DAAM2: variants seen among roughly 807,000 people sequenced by gnomAD.
DAAM2 encodes the protein dishevelled associated activator of morphogenesis 2, also known as disheveled-associated activator of morphogenesis 2.
In DAAM2, 39 loss-of-function variants were observed where a neutral mutation model predicts 120.7. The observed-to-expected ratio is 0.32, with a 90% CI of 0.25 to 0.42. DAAM2 has a LOEUF of 0.42. Among genes scored for constraint, DAAM2 ranks in the 10% least tolerant of loss-of-function variants. The pLI, the probability that DAAM2 is intolerant of heterozygous loss-of-function variation, is 1.00. For missense variants in DAAM2, 1,283 were observed against 1,401.7 expected (o/e 0.92, Z 1.35); for synonymous variants, 488 against 524.9 (o/e 0.93, Z 0.96).
chr6:39,891,183 C>T, intron 17 of DAAM2, 158 bp from the exon 18 acceptor site: 1 of 581,580 alleles, frequency 1.7e-6, no homozygotes, highest in Non-Finnish European at 3.1e-6. Context: ...CCCTGTCATC[C>T]CCTTCAGGCA....
chr6:39,846,022 G>C (rs1300220894), intron 1 of DAAM2, among the ~76,000 whole-genome samples: 1 of 152,120 alleles, frequency 6.6e-6, no homozygotes, highest in African/African-American at 2.4e-5. Context: ...GGATCACGTG[G>C]GGCTGGTTTG....
chr6:39,868,929 G>C lies in DAAM2; in HGVS notation c.869G>C (p.Gly290Ala). ...FINAVLNAGA[G>A]EDNLEFRLHL... Reference sequence around the variant, plus strand: ...AATGCTGTCCTCAATGCTGGAGCTGGAGAGGTGGGGTGCCTTCTCCTTGCC... The same window carrying C: ...AATGCTGTCCTCAATGCTGGAGCTGCAGAGGTGGGGTGCCTTCTCCTTGCC... Residue 290 changes from glycine (G) to alanine (A), a missense_variant, in exon 7 of 25, where the codon GGA becomes GCA. Gly to Ala is a moderately conservative substitution (Grantham distance 60). This residue lies in a region of DAAM2 where 338 missense variants were observed against 443.9 expected (regional missense o/e 0.76). Transcript: ENST00000274867. 1 of 1,570,824 alleles carries C rather than the reference G, an allele frequency of 6.4e-7. No individual in the cohort carries two copies. The highest frequency in any genetic ancestry group is 8.6e-7 in the Non-Finnish European group (1 of 1,157,470).
intron 1 of DAAM2, among the ~76,000 whole-genome samples, chr6:39,841,075 A>G: frequency 1.9e-5 from 1 of 53,900 alleles, no homozygotes. Context: ...GGCGCTGGGA[A>G]GAGGGGCTCC....
At position 39,879,301 on chromosome 6, in the gene DAAM2, C is replaced by A; in HGVS notation, c.1669C>A (p.Pro557Thr). The A allele has an allele frequency of 6.6e-7, 1 of 1,506,936 alleles. No homozygotes were observed. The highest frequency in any genetic ancestry group is 9.1e-7 in the Non-Finnish European group (1 of 1,099,248). 93.3% of individuals were successfully genotyped at this position (1,506,936 alleles called of 1,614,324 possible). ...CTTTGCCTGTTGTCCCCCTCCCCCA[C>A]CACCACCCCTTCCTCCCGGGGGACC... ...LPFACCPPPPPPPLPPGGPPT... is the reference protein window; with the variant it reads ...LPFACCPPPPTPPLPPGGPPT... The change falls in exon 14 of 25, where the codon CCA becomes ACA. Residue 557 changes from proline (P) to threonine (T), a missense_variant. Around this residue, in one of 3 missense-constraint regions of DAAM2, gnomAD observed 748 missense variants for 768.6 expected, o/e 0.97. Coordinates refer to ENST00000274867, the MANE Select transcript of DAAM2 (RefSeq NM_001201427.2).
At chr6:39,880,439 C>A (rs993314014) in intron 14 of DAAM2, among the ~76,000 whole-genome samples, 1 of 152,268 alleles carries the variant, frequency 6.6e-6, no homozygotes, top group Non-Finnish European at 1.5e-5. Flanking sequence ...GCTAGCCTGT[C>A]AATCTGAAGT....
chr6:39,829,254 A>C (rs943748349), intron 1 of DAAM2, among the ~76,000 whole-genome samples: 5 of 152,236 alleles, frequency 3.3e-5, no homozygotes, highest in Admixed American at 2.6e-4. Flanking sequence ...GGGCCTGCAC[A>C]TGCGCCTATG....
chr6:39,828,710 G>C (rs551189364), intron 1 of DAAM2, among the ~76,000 whole-genome samples: 3 of 151,896 alleles, frequency 2.0e-5, no homozygotes. Context: ...CTACAGGTGC[G>C]TGCCACCATG....
intron 1 of DAAM2, among the ~76,000 whole-genome samples, chr6:39,815,050 G>A (rs1381448487): frequency 6.6e-6 from 1 of 152,224 alleles, no homozygotes; most frequent in Non-Finnish European, 1.5e-5. Context: ...CCTTAGACCA[G>A]CAGTATCAGA....
At chr6:39,849,478 A>G (rs1763726299) in intron 1 of DAAM2, among the ~76,000 whole-genome samples, 1 of 152,232 alleles carries the variant, frequency 6.6e-6, no homozygotes, top group Non-Finnish European at 1.5e-5. Flanking sequence ...TACAAATATT[A>G]ACTACTTTAA....
intron 14 of DAAM2, chr6:39,882,229 A>T (rs1009920482): frequency 6.6e-6 from 1 of 152,264 alleles, no homozygotes; most frequent in East Asian, 1.9e-4. Context: ...AGGGAATATT[A>T]GGAACAGACT....
At chr6:39,800,427 C>T (rs1263694066) in intron 1 of DAAM2, among the ~76,000 whole-genome samples, 1 of 152,176 alleles carries the variant, frequency 6.6e-6, no homozygotes, top group African/African-American at 2.4e-5. Context: ...GGAAACATAG[C>T]AGGATGATCA....
chr6:39,841,334 G>A (rs1360804004), intron 1 of DAAM2, among the ~76,000 whole-genome samples: 1 of 128,714 alleles, frequency 7.8e-6, no homozygotes, highest in Non-Finnish European at 1.6e-5. Context: ...TAGGGCGAGG[G>A]TTCCAGGGGG....
chr6:39,836,277 A>G (rs1161553649), intron 1 of DAAM2, among the ~76,000 whole-genome samples: 3 of 152,042 alleles, frequency 2.0e-5, no homozygotes, highest in African/African-American at 7.2e-5. Flanking sequence ...ATCTCTTGGT[A>G]TGCTTGCCTG....
At position 39,901,440 on chromosome 6, in the gene DAAM2, G is replaced by A; in HGVS notation, c.2950G>A (p.Glu984Lys). 3.7e-6 allele frequency: 6 copies of A among 1,612,492 alleles called. No homozygotes were observed. Among genetic ancestry groups the A allele is most frequent in the African/African-American group, 1.3e-5 (1 of 75,040 alleles). The change falls in exon 24 of 25, where the codon GAG becomes AAG. Residue 984 changes from glutamate (E) to lysine (K), a missense_variant. By Grantham distance (56) the Glu-to-Lys change is moderately conservative (BLOSUM62 1). This residue lies in a region of DAAM2 where 748 missense variants were observed against 768.6 expected (regional missense o/e 0.97). Coordinates refer to ENST00000274867, the MANE Select transcript of DAAM2 (RefSeq NM_001201427.2). This position sits in a 1 kb window ranked among gnomAD's most constrained non-coding sequence, Gnocchi z 4.5. The stretch of plus-strand genomic sequence containing the variant: ...AGAGGCCATGAGGAGGAGGAAGGAG[G>A]AGGAGGAGCGGCGGGCGCGCATGGA... ...DLEAMRRRKE[E>K]EERRARMEAM...
intron 1 of DAAM2, among the ~76,000 whole-genome samples, chr6:39,797,464 C>A (rs984435383): frequency 2.0e-5 from 3 of 152,180 alleles, no homozygotes; most frequent in African/African-American, 7.2e-5. Flanking sequence ...ATATTTCACA[C>A]CTTAAGTAAG....
chr6:39,875,010 G>T (rs1764812838), intron 10 of DAAM2, among the ~76,000 whole-genome samples: 1 of 152,158 alleles, frequency 6.6e-6, no homozygotes, highest in South Asian at 2.1e-4. Flanking sequence ...AATGTAAAAA[G>T]CAATCTGCAC....
In DAAM2 at chr6:39,887,612, G is replaced by A. The variant is rs1248070243; in HGVS notation, c.2060+20G>A. On this transcript the variant is annotated intron_variant, in intron 16 of 24. Transcript: ENST00000274867. Reference sequence around the variant, plus strand: ...TTCCAAGTATGTGCAAAAGAAGGTGGTTGAGTTGGATGCCTGGGGGACAAA... The same window carrying A: ...TTCCAAGTATGTGCAAAAGAAGGTGATTGAGTTGGATGCCTGGGGGACAAA... The A allele has an allele frequency of 1.3e-6, 2 of 1,570,218 alleles. No individual in the cohort carries two copies. The highest frequency in any genetic ancestry group is 1.8e-6 in the Non-Finnish European group (2 of 1,142,368).
At chr6:39,844,423 G>A (rs1449660616) in intron 1 of DAAM2, among the ~76,000 whole-genome samples, 2 of 151,858 alleles carry the variant, frequency 1.3e-5, no homozygotes, top group Non-Finnish European at 2.9e-5. Context: ...AAGCTGGGTT[G>A]GAATGTGATA....
At chr6:39,883,187 T>C (rs1377468297) in intron 14 of DAAM2, among the ~76,000 whole-genome samples, 1 of 16,936 alleles carries the variant, frequency 5.9e-5, no homozygotes, top group Non-Finnish European at 9.1e-5. Context: ...GCCAGGGCTT[T>C]TTTTTTTTTT....
Sources: allele counts gnomAD v4.1 joint callset (sites outside exome capture counted in the v4.1 genomes callset), GRCh38; gene constraint gnomAD v4.1.1; regional missense constraint gnomAD v4.1.1; non-coding constraint Gnocchi (gnomAD v3.1); transcripts MANE v1.5; gene names NCBI Gene and HGNC (gene_info 2026-07-23, HGNC 2026-07-21).